Variants in LANCL2 observed in about 807,000 individuals in gnomAD.
LANCL2 encodes LanC like glutathione S-transferase 2.
Under a neutral mutation model 56.9 loss-of-function variants are expected in LANCL2, and 33 were observed. The observed-to-expected ratio is 0.58, with a 90% confidence interval of 0.44 to 0.78. The LOEUF (loss-of-function observed/expected upper bound fraction) is 0.78. Among genes scored for constraint, LANCL2 ranks in the 30% least tolerant of loss-of-function variants. The pLI, the probability that LANCL2 is intolerant of heterozygous loss-of-function variation, is 0.00. For synonymous variants in LANCL2, 233 were observed against 228.2 expected, an observed-to-expected ratio of 1.02 and a Z score of -0.19; for missense variants, 562 against 580.2, an observed-to-expected ratio of 0.97 and a Z score of 0.32.
intron 1 of LANCL2, among the ~76,000 whole-genome samples, chr7:55,366,617 C>T (rs984165986): frequency 5.9e-5 from 9 of 152,114 alleles, no homozygotes; most frequent in African/African-American, 2.2e-4. Context: ...GGCTGGATTT[C>T]CTTGGCCATA....
At chr7:55,403,912 G>A (rs1474777443) in intron 5 of LANCL2, among the ~76,000 whole-genome samples, 2 of 152,076 alleles carry the variant, frequency 1.3e-5, no homozygotes, top group Non-Finnish European at 2.9e-5. Flanking sequence ...GTTAATTGCA[G>A]TAGGAACTCT....
Position 55,401,324 on chromosome 7 carries a change from G to A in LANCL2, c.825+4G>A. 6.2e-7 allele frequency: 1 copy of A among 1,612,230 alleles called. No individual in the cohort carries two copies. Among genetic ancestry groups the A allele is most frequent in the Non-Finnish European group, 8.5e-7 (1 of 1,178,528 alleles). On this transcript the variant is annotated splice_donor_region_variant and intron_variant, in intron 5 of 8. Transcript: ENST00000254770. Reference sequence around the variant, plus strand: ...AATTTACTATATGTTAATGCAGGTAGGTAAGAATACTCTTACACACTACAG... The same window carrying A: ...AATTTACTATATGTTAATGCAGGTAAGTAAGAATACTCTTACACACTACAG...
At chr7:55,416,942 A>G (rs1005899158) in intron 6 of LANCL2, among the ~76,000 whole-genome samples, 83 of 128,730 alleles carry the variant, frequency 6.4e-4, no homozygotes, top group African/African-American at 2.3e-3. Context: ...TAAGTTTTGT[A>G]TATTACATGA....
At chr7:55,422,061 A>G (rs1790614702) in intron 6 of LANCL2, among the ~76,000 whole-genome samples, 1 of 152,178 alleles carries the variant, frequency 6.6e-6, no homozygotes, top group South Asian at 2.1e-4. Context: ...ATAGACCTGC[A>G]TATTTTATTT....
chr7:55,385,169 A>T (rs149261717), intron 1 of LANCL2, among the ~76,000 whole-genome samples: 18 of 152,300 alleles, frequency 1.2e-4, no homozygotes, highest in Admixed American at 9.2e-4. Flanking sequence ...CCTGGGTGAC[A>T]GGAGTGAAAC....
At chr7:55,366,404 C>T (rs987485239) in intron 1 of LANCL2, among the ~76,000 whole-genome samples, 175 bp downstream of exon 1, 12 of 152,242 alleles carry the variant, frequency 7.9e-5, no homozygotes, top group African/African-American at 2.4e-4. Context: ...GGTCCGTGGG[C>T]TTCAGCTGCA....
intron 2 of LANCL2, among the ~76,000 whole-genome samples, chr7:55,397,857 T>C (rs1318509579): frequency 6.6e-6 from 1 of 152,086 alleles, no homozygotes; most frequent in Non-Finnish European, 1.5e-5. Flanking sequence ...ATCACCTTAC[T>C]CTGTACTGTG....
intron 2 of LANCL2, among the ~76,000 whole-genome samples, chr7:55,396,540 T>C (rs1276714425): frequency 6.6e-6 from 1 of 152,262 alleles, no homozygotes; most frequent in African/African-American, 2.4e-5. Flanking sequence ...TGGGAGGCAC[T>C]GGTGCAGTTC....
At position 55,411,951 on chromosome 7, in the gene LANCL2, A is replaced by G; in HGVS notation, c.870A>G (p.Lys290=). 6.2e-7 allele frequency: 1 copy of G among 1,614,194 alleles called. No individual in the cohort carries two copies. The highest frequency in any genetic ancestry group is 8.5e-7 in the Non-Finnish European group (1 of 1,180,020). ...AAGAAACCTTGACAGAAATGGTGAA[A>G]CCCAGTATTGATTATGTGCGCCACA... ...VDQETLTEMV[K]PSIDYVRHKK... The change falls in exon 6 of 9, where the codon AAA becomes AAG. Residue 290 remains lysine, a synonymous_variant. Coordinates refer to ENST00000254770, the MANE Select transcript of LANCL2 (RefSeq NM_018697.4).
chr7:55,366,273 G>T, intron 1 of LANCL2, 44 bp downstream of exon 1: 2 of 1,415,450 alleles, frequency 1.4e-6, no homozygotes, highest in Non-Finnish European at 1.9e-6. Flanking sequence ...GGGGGAGCGC[G>T]GCGGTGGTAG....
Position 55,401,295 on chromosome 7 carries a change from CTGGAATTTACTA to C in LANCL2, c.802_813del (p.Gly268_Tyr271del). 1 of 1,614,056 alleles carries C rather than the reference CTGGAATTTACTA, an allele frequency of 6.2e-7. No individual in the cohort carries two copies. Among genetic ancestry groups the C allele is most frequent in the Non-Finnish European group, 8.5e-7 (1 of 1,179,950 alleles). ...TACGTTGGAGCAGCCCATGGCATGG[CTGGAATTTACTA>C]TATGTTAATGCAGGTAGGTAAGAAT... is the stretch of plus-strand genomic sequence containing the variant. On this transcript the variant is annotated inframe_deletion, in exon 5 of 9. Coordinates refer to ENST00000254770, the MANE Select transcript of LANCL2 (RefSeq NM_018697.4).
chr7:55,428,259 A>T, intron 7 of LANCL2, 116 bp from the exon 8 acceptor site: 1 of 875,282 alleles, frequency 1.1e-6, no homozygotes, highest in African/African-American at 1.6e-5. Context: ...CCCACGCTGA[A>T]TGCCCTACAG....
At chr7:55,384,092 A>G (rs1790098907) in intron 1 of LANCL2, among the ~76,000 whole-genome samples, 1 of 152,214 alleles carries the variant, frequency 6.6e-6, no homozygotes, top group South Asian at 2.1e-4. Context: ...GAAAAAAAAA[A>G]TGAAGGGAAA....
At position 55,431,598 on chromosome 7, in the gene LANCL2, G is replaced by A. The variant is rs1204285337; in HGVS notation, c.*278G>A. ...AGGTGTAAGCTGTTTTAAATGGAAGGCCCTTCTATTCCTGAGGGCTCAGAG... is the reference window on the plus strand; with the variant it reads ...AGGTGTAAGCTGTTTTAAATGGAAGACCCTTCTATTCCTGAGGGCTCAGAG... On this transcript the variant is annotated 3_prime_UTR_variant, in exon 9 of 9. Coordinates refer to ENST00000254770, the MANE Select transcript of LANCL2 (RefSeq NM_018697.4). 1.7e-5 allele frequency: 6 copies of A among 347,340 alleles called. No individual in the cohort carries two copies. The highest frequency in any genetic ancestry group is 1.3e-4 in the African/African-American group (6 of 47,596). 21.5% of individuals were successfully genotyped at this position (347,340 alleles called of 1,614,324 possible). A position where few individuals can be genotyped will look rare whatever the true frequency, so the allele number is the denominator to read the frequency against.
At chr7:55,383,869 C>T (rs1157394348) in intron 1 of LANCL2, among the ~76,000 whole-genome samples, 1 of 152,006 alleles carries the variant, frequency 6.6e-6, no homozygotes, top group Non-Finnish European at 1.5e-5. Context: ...AAAATAAATT[C>T]CTCTCAAAGT....
At chr7:55,419,377 A>G (rs1216981728) in intron 6 of LANCL2, among the ~76,000 whole-genome samples, 1 of 142,024 alleles carries the variant, frequency 7.0e-6, no homozygotes, top group East Asian at 2.0e-4. Flanking sequence ...GTCTGAAGTG[A>G]TAGTTTCTCT....
At chr7:55,423,326 A>G (rs1583766330) in intron 6 of LANCL2, among the ~76,000 whole-genome samples, 2 of 152,320 alleles carry the variant, frequency 1.3e-5, no homozygotes, top group African/African-American at 4.8e-5. Context: ...TCGCAGGCGC[A>G]GGGACGGCAT....
chr7:55,421,305 G>A (rs2128996192), intron 6 of LANCL2, among the ~76,000 whole-genome samples: 1 of 146,854 alleles, frequency 6.8e-6, no homozygotes, highest in Non-Finnish European at 1.5e-5. Context: ...AGATTAGTTG[G>A]AAATTTTTTA....
At chr7:55,382,754 C>G (rs1340656068) in intron 1 of LANCL2, among the ~76,000 whole-genome samples, 1 of 152,112 alleles carries the variant, frequency 6.6e-6, no homozygotes, top group Non-Finnish European at 1.5e-5. Flanking sequence ...ATCTCAAGCA[C>G]CATTCTTAGG....
Sources: gnomAD v4.1 joint callset for allele counts (sites outside exome capture counted in the v4.1 genomes callset) on GRCh38, gnomAD v4.1.1 for gene constraint, MANE v1.5 for transcripts, NCBI Gene and HGNC (gene_info 2026-07-23, HGNC 2026-07-21) for gene names.